Variants in SLC25A25 observed in about 807,000 individuals in gnomAD.
SLC25A25 encodes the protein solute carrier family 25 member 25.
In SLC25A25, 32 loss-of-function variants were observed where a neutral mutation model predicts 57.7. That is an observed-to-expected ratio of 0.55 (90% confidence interval 0.42 to 0.74). The LOEUF is 0.74. Among genes scored for constraint, SLC25A25 ranks in the 30% least tolerant of loss-of-function variants. SLC25A25 has a pLI of 0.00. For missense variants in SLC25A25, 556 were observed against 701.3 expected, an observed-to-expected ratio of 0.79 and a Z score of 2.34; for synonymous variants, 306 against 291.2, an observed-to-expected ratio of 1.05 and a Z score of -0.52.
intron 1 of SLC25A25, among the ~76,000 whole-genome samples, chr9:128,096,082 A>G (rs1025596219): frequency 1.3e-5 from 2 of 151,948 alleles, no homozygotes; most frequent in Non-Finnish European, 2.9e-5. Context: ...AGAAGCAAAC[A>G]ATAATTTAAC....
In SLC25A25 at chr9:128,108,412, T is replaced by G. The variant is rs1016767428; in HGVS notation, c.*968T>G. On this transcript the variant is annotated 3_prime_UTR_variant, in exon 11 of 11. Transcript: ENST00000373069. ...ACGAGGGAGCAGGAGCTTGGCTGAC[T>G]GCTCAGAGTCTGTTCTGACGCCCTG... The G allele has an allele frequency of 5.0e-6, 2 of 397,262 alleles. No individual in the cohort carries two copies. The highest frequency in any genetic ancestry group is 8.9e-6 in the Non-Finnish European group (2 of 225,448). 24.6% of individuals were successfully genotyped at this position (397,262 alleles called of 1,614,324 possible). A position where few individuals can be genotyped will look rare whatever the true frequency, so the allele number is the denominator to read the frequency against.
In SLC25A25 at chr9:128,107,729, A is replaced by T; in HGVS notation, c.*285A>T. The T allele has an allele frequency of 2.4e-6, 1 of 410,180 alleles. No individual in the cohort carries two copies. The highest frequency in any genetic ancestry group is 3.9e-5 in the Admixed American group (1 of 25,456). 25.4% of individuals were successfully genotyped at this position (410,180 alleles called of 1,614,324 possible). On this transcript the variant is annotated 3_prime_UTR_variant, in exon 11 of 11. Transcript: ENST00000373069. Reference sequence around the variant, plus strand: ...TGTGTAAGGACAGGACATTTTCTGCAGTGCCTGCCAATAGCGAGCTTGGAG... The same window carrying T: ...TGTGTAAGGACAGGACATTTTCTGCTGTGCCTGCCAATAGCGAGCTTGGAG...
chr9:128,087,145 G>T (rs987960864), intron 1 of SLC25A25, among the ~76,000 whole-genome samples: 1 of 151,570 alleles, frequency 6.6e-6, no homozygotes, highest in Non-Finnish European at 1.5e-5. Flanking sequence ...AACCCGGAAG[G>T]CAGAGGTTAC....
intron 1 of SLC25A25, among the ~76,000 whole-genome samples, chr9:128,071,499 C>T (rs1234423317): frequency 6.6e-6 from 1 of 151,856 alleles, no homozygotes; most frequent in Non-Finnish European, 1.5e-5. Flanking sequence ...CCTTTGCCTC[C>T]TGGGTTCAAG....
At chr9:128,076,331 A>C (rs1158373161) in intron 1 of SLC25A25, among the ~76,000 whole-genome samples, 1 of 150,976 alleles carries the variant, frequency 6.6e-6, no homozygotes. Context: ...GGGTTTTCCT[A>C]TGTTGCTCAG....
At position 128,107,292 on chromosome 9, in the gene SLC25A25, A is replaced by G. The variant is rs1295570528; in HGVS notation, c.1396A>G (p.Ser466Gly). Residue 466 changes from serine to glycine, a missense_variant, in exon 11 of 11, where the codon AGC becomes GGC. Around this residue, in one of 3 missense-constraint regions of SLC25A25, gnomAD observed 294 missense variants for 389.6 expected, o/e 0.75. Coordinates refer to ENST00000373069, the MANE Select transcript of SLC25A25 (RefSeq NM_001330988.2). ...SIEGAPEVTM[S>G]SLFKHILRTE... ...TGAGGGCGCTCCGGAGGTGACCATG[A>G]GCAGCCTCTTCAAACATATCCTGCG... 3 of 1,580,578 alleles carry G rather than the reference A, an allele frequency of 1.9e-6. No individual in the cohort carries two copies. In the East Asian group the frequency reaches 6.8e-5, roughly 36 times the overall value.
intron 1 of SLC25A25, chr9:128,092,096 T>A (rs1304529978): frequency 6.2e-7 from 1 of 1,612,172 alleles, no homozygotes; most frequent in African/African-American, 1.3e-5. Context: ...TAAGGTAATG[T>A]TGGCCTCAAG....
chr9:128,079,614 A>G (rs954864213), intron 1 of SLC25A25, among the ~76,000 whole-genome samples: 2 of 149,906 alleles, frequency 1.3e-5, no homozygotes, highest in African/African-American at 2.5e-5. Flanking sequence ...AAAAAAAAAA[A>G]AAAAAAAAAA....
At chr9:128,078,065 G>A (rs1819968217) in intron 1 of SLC25A25, among the ~76,000 whole-genome samples, 1 of 150,716 alleles carries the variant, frequency 6.6e-6, no homozygotes, top group South Asian at 2.1e-4. Flanking sequence ...TATGAGACCT[G>A]GGTTCAAATG....
Position 128,098,523 on chromosome 9 carries a change from G to C in SLC25A25, c.262-2573G>C, listed in dbSNP as rs1833637678. 3 of 1,572,370 alleles carry C rather than the reference G, an allele frequency of 1.9e-6. No individual in the cohort carries two copies. In the Admixed American group the frequency reaches 5.4e-5, roughly 28 times the overall value. On this transcript the variant is annotated intron_variant, in intron 1 of 10. Transcript: ENST00000373069. The stretch of plus-strand genomic sequence containing the variant: ...GGGACCGGCAGCATTTAGGGAACTT[G>C]CTCCCGGTGGTGAGGGCAGTGGAGC...
intron 1 of SLC25A25, among the ~76,000 whole-genome samples, chr9:128,071,604 G>A (rs1471294883): frequency 1.3e-5 from 2 of 151,164 alleles, no homozygotes; most frequent in Admixed American, 6.6e-5. Flanking sequence ...TAGAAATGGG[G>A]TTTCACCATG....
At chr9:128,098,732 G>C in intron 1 of SLC25A25, 1 of 1,613,476 alleles carries the variant, frequency 6.2e-7, no homozygotes, top group Non-Finnish European at 8.5e-7. Flanking sequence ...GCAGGTCTGT[G>C]GGGTGACCGC....
At chr9:128,098,560 C>T (rs565636563) in intron 1 of SLC25A25, 12 of 1,608,792 alleles carry the variant, frequency 7.5e-6, no homozygotes, top group Admixed American at 1.7e-5. Flanking sequence ...CCCAGCAGGC[C>T]GCCAACATGC....
chr9:128,084,945 T>A (rs1456290134), intron 1 of SLC25A25, among the ~76,000 whole-genome samples: 1 of 152,198 alleles, frequency 6.6e-6, no homozygotes, highest in African/African-American at 2.4e-5. Context: ...TATGGGTGAT[T>A]CATCCTACCC....
chr9:128,108,141 C>T lies in SLC25A25; in HGVS notation c.*697C>T, dbSNP rs998605909. On this transcript the variant is annotated 3_prime_UTR_variant, in exon 11 of 11. Coordinates refer to ENST00000373069, the MANE Select transcript of SLC25A25 (RefSeq NM_001330988.2). ...GCTGCACAGAAGGCAAGTGCTGGGG[C>T]TCATGGTGCTCTGAGCTGGCCTGGA... The T allele has an allele frequency of 2.5e-6, 1 of 399,390 alleles. No homozygotes were observed. Among genetic ancestry groups the T allele is most frequent in the Non-Finnish European group, 4.4e-6 (1 of 226,494 alleles). The allele number at this position is 399,390 out of a possible 1,614,324, so 24.7% of individuals were successfully genotyped here.
At chr9:128,086,344 T>G (rs1021836711) in intron 1 of SLC25A25, among the ~76,000 whole-genome samples, 9 of 150,460 alleles carry the variant, frequency 6.0e-5, no homozygotes, top group Non-Finnish European at 1.2e-4. Context: ...TTTTTTTTTT[T>G]TTTTTTGAGA....
chr9:128,087,566 G>T (rs1319035628), intron 1 of SLC25A25, among the ~76,000 whole-genome samples: 1 of 152,166 alleles, frequency 6.6e-6, no homozygotes, highest in Non-Finnish European at 1.5e-5. Context: ...TGTGCTTAGG[G>T]TTTGTTGAGC....
Position 128,099,291 on chromosome 9 carries a change from A to G in SLC25A25, c.262-1805A>G, listed in dbSNP as rs1364957981. 2.3e-6 allele frequency: 3 copies of G among 1,284,212 alleles called. No individual in the cohort carries two copies. In the African/African-American group the frequency reaches 4.6e-5, roughly 20 times the overall value. 79.6% of individuals were successfully genotyped at this position (1,284,212 alleles called of 1,614,324 possible). ...TACCCCCAGTGCCCACTGTGCACCA[A>G]GGGGGATTTGCAGATCCAAGGAAGG... On this transcript the variant is annotated intron_variant, in intron 1 of 10. Transcript: ENST00000373069. The surrounding 1 kb of genome is among the most constrained non-coding windows in gnomAD (Gnocchi z 6.8).
In SLC25A25 at chr9:128,101,931, G is replaced by A. The variant is rs1292195154; in HGVS notation, c.477-149G>A. ...GAACACTGGCTGGTCCTCGGGGACA[G>A]CAGCCCTGGGCTCAGCTGCTGTGGC... On this transcript the variant is annotated intron_variant, in intron 3 of 10. Coordinates refer to ENST00000373069, the MANE Select transcript of SLC25A25 (RefSeq NM_001330988.2). The surrounding 1 kb of genome is among the most constrained non-coding windows in gnomAD (Gnocchi z 4.9). 9.9e-6 allele frequency: 9 copies of A among 907,976 alleles called. No individual in the cohort carries two copies. Among genetic ancestry groups the A allele is most frequent in the Admixed American group, 2.1e-5 (1 of 48,532 alleles). 56.2% of individuals were successfully genotyped at this position (907,976 alleles called of 1,614,324 possible). A position where few individuals can be genotyped will look rare whatever the true frequency, so the allele number is the denominator to read the frequency against.
Sources: gnomAD v4.1 joint callset for allele counts (sites outside exome capture counted in the v4.1 genomes callset) on GRCh38, gnomAD v4.1.1 for gene constraint, gnomAD v4.1.1 regional missense constraint, Gnocchi (gnomAD v3.1) non-coding constraint, MANE v1.5 for transcripts, NCBI Gene and HGNC (gene_info 2026-07-23, HGNC 2026-07-21) for gene names.